ST3GAL3: variants seen among roughly 807,000 people sequenced by gnomAD.
ST3GAL3 encodes CMP-N-acetylneuraminate-beta-1,4-galactoside alpha-2,3-sialyltransferase.
ST3GAL3 carries 21 observed loss-of-function variants against 50.1 expected under a neutral mutation model. The ratio of observed to expected loss-of-function variants is 0.42; its 90% CI spans 0.30 to 0.60. The LOEUF (loss-of-function observed/expected upper bound fraction) is 0.60. Ranked by LOEUF, ST3GAL3 falls within the 20% of genes least tolerant of loss-of-function variation. ST3GAL3 has a pLI of 0.19. For missense variants in ST3GAL3, 353 were observed against 489.4 expected (o/e 0.72, Z 2.63); for synonymous variants, 183 against 190.0 (o/e 0.96, Z 0.30).
chr1:43,780,716 T>C (rs1699092577), intron 2 of ST3GAL3, among the ~76,000 whole-genome samples: 1 of 152,078 alleles, frequency 6.6e-6, no homozygotes, highest in African/African-American at 2.4e-5. Context: ...GGTTACTTTT[T>C]TCTTTTTGTT....
At chr1:43,800,375 A>G (rs1205597117) in intron 3 of ST3GAL3, among the ~76,000 whole-genome samples, 1 of 152,076 alleles carries the variant, frequency 6.6e-6, no homozygotes, top group Non-Finnish European at 1.5e-5. Context: ...ATGATGTGGG[A>G]GCTATTTGCA....
At chr1:43,805,849 C>T (rs1430096958) in intron 3 of ST3GAL3, among the ~76,000 whole-genome samples, 1 of 152,170 alleles carries the variant, frequency 6.6e-6, no homozygotes, top group East Asian at 1.9e-4. Flanking sequence ...AGTTCTCCTG[C>T]CTCAGCCTTC....
intron 5 of ST3GAL3, among the ~76,000 whole-genome samples, chr1:43,877,894 GA>G (rs1245985826): frequency 6.6e-6 from 1 of 152,104 alleles, no homozygotes. Flanking sequence ...CTTAGCAGAG[GA>G]AAAAAGATGG....
intron 5 of ST3GAL3, among the ~76,000 whole-genome samples, chr1:43,864,746 G>A (rs2154238488): frequency 6.6e-6 from 1 of 152,246 alleles, no homozygotes; most frequent in South Asian, 2.1e-4. Context: ...TGTCATATTA[G>A]GGGAGGAGAA....
intron 2 of ST3GAL3, chr1:43,736,744 T>C (rs963114939): frequency 1.4e-5 from 5 of 352,760 alleles, no homozygotes; most frequent in Non-Finnish European, 2.7e-5. Flanking sequence ...GGGATTAGTA[T>C]TGAAGTTGGT....
At chr1:43,900,953 T>C (rs1281626894) in intron 9 of ST3GAL3, 2 of 152,256 alleles carry the variant, frequency 1.3e-5, no homozygotes, top group South Asian at 2.1e-4. Context: ...AGCAGAGTGA[T>C]GATTTGGCCT....
chr1:43,846,409 A>G (rs1364439298), intron 5 of ST3GAL3, among the ~76,000 whole-genome samples: 1 of 152,202 alleles, frequency 6.6e-6, no homozygotes, highest in African/African-American at 2.4e-5. Flanking sequence ...ATATTAATAA[A>G]CCACTCTGGC....
At chr1:43,732,588 T>A (rs769073524) in intron 1 of ST3GAL3, among the ~76,000 whole-genome samples, 1 of 152,206 alleles carries the variant, frequency 6.6e-6, no homozygotes. Context: ...AAAAATCCTG[T>A]CATTAAACTG....
At chr1:43,750,833 G>A (rs893349275) in intron 2 of ST3GAL3, among the ~76,000 whole-genome samples, 2 of 151,808 alleles carry the variant, frequency 1.3e-5, no homozygotes, top group South Asian at 2.1e-4. Flanking sequence ...CTGTGCTCAC[G>A]CCTCTGCACT....
chr1:43,838,446 T>A, intron 5 of ST3GAL3, 135 bp downstream of exon 5: 2 of 844,240 alleles, frequency 2.4e-6, no homozygotes, highest in Non-Finnish European at 4.0e-6. Flanking sequence ...ACTCTGCCTT[T>A]AAGTTGGTTC....
Position 43,817,434 on chromosome 1 carries a change from TCTTCCTTCTC to T in ST3GAL3, c.209+2506_209+2515del, listed in dbSNP as rs1320895232. 2.1e-4 allele frequency among the ~76,000 whole-genome samples: 30 copies of T among 144,488 alleles called. No homozygotes were observed. In the East Asian group the frequency reaches 5.5e-3, roughly 27 times the overall value. 94.8% of individuals were successfully genotyped at this position (144,488 alleles called of 152,430 possible). ...TTCTCCTCCTTCTCCTTCTTCTCCT[TCTTCCTTCTC>T]CTTCTTCTTTCTTCTTTCTTCTTCT... On this transcript the variant is annotated intron_variant, in intron 4 of 11. Coordinates refer to ENST00000347631, the MANE Select transcript of ST3GAL3 (RefSeq NM_006279.5).
At chr1:43,917,919 C>T (rs562487223) in intron 9 of ST3GAL3, among the ~76,000 whole-genome samples, 45 of 150,530 alleles carry the variant, frequency 3.0e-4, no homozygotes, top group African/African-American at 9.5e-4. Context: ...ATCTGCCCCT[C>T]GGCCTCCCAA....
intron 2 of ST3GAL3, among the ~76,000 whole-genome samples, chr1:43,758,453 A>G (rs1371264856): frequency 1.3e-5 from 2 of 151,904 alleles, no homozygotes; most frequent in Non-Finnish European, 2.9e-5. Flanking sequence ...GGGTTTTGCT[A>G]TATTGCCCAG....
At chr1:43,847,142 C>T (rs2066391826) in intron 5 of ST3GAL3, among the ~76,000 whole-genome samples, 1 of 152,124 alleles carries the variant, frequency 6.6e-6, no homozygotes, top group African/African-American at 2.4e-5. Flanking sequence ...ATCCCAAAAC[C>T]AGAAAATAAC....
intron 6 of ST3GAL3, among the ~76,000 whole-genome samples, chr1:43,896,528 G>C (rs1185117146): frequency 1.3e-5 from 2 of 152,228 alleles, no homozygotes; most frequent in African/African-American, 4.8e-5. Flanking sequence ...CCTGGCTTCA[G>C]TGTTGGCATT....
chr1:43,848,381 C>A (rs1167408029), intron 5 of ST3GAL3, among the ~76,000 whole-genome samples: 3 of 141,814 alleles, frequency 2.1e-5, no homozygotes. Context: ...TCTTGGTTCA[C>A]TGCAACCTCC....
At chr1:43,906,631 C>T (rs1268526959) in intron 9 of ST3GAL3, among the ~76,000 whole-genome samples, 1 of 150,728 alleles carries the variant, frequency 6.6e-6, no homozygotes, top group Non-Finnish European at 1.5e-5. Context: ...CTTCCTGCCA[C>T]TCTTCCCCCT....
intron 9 of ST3GAL3, among the ~76,000 whole-genome samples, chr1:43,900,532 C>G (rs1394995234): frequency 2.0e-5 from 3 of 151,618 alleles, no homozygotes; most frequent in Non-Finnish European, 4.4e-5. Context: ...TCCCCCACAA[C>G]CAGCTGTCAC....
chr1:43,853,618 A>C (rs1335888794), intron 5 of ST3GAL3, among the ~76,000 whole-genome samples: 1 of 152,206 alleles, frequency 6.6e-6, no homozygotes, highest in African/African-American at 2.4e-5. Context: ...GTAGCTAATG[A>C]GGTGCTGATG....
Sources: gnomAD v4.1 joint callset for allele counts (sites outside exome capture counted in the v4.1 genomes callset) on GRCh38, gnomAD v4.1.1 for gene constraint, MANE v1.5 for transcripts, NCBI Gene and HGNC (gene_info 2026-07-23, HGNC 2026-07-21) for gene names.